Variants in ADGRG6 observed in about 807,000 individuals in gnomAD.
The protein encoded by ADGRG6 is G-protein coupled receptor 126.
Under a neutral mutation model 142.4 loss-of-function variants are expected in ADGRG6, and 84 were observed. The ratio of observed to expected loss-of-function variants is 0.59; its 90% confidence interval spans 0.49 to 0.71. The LOEUF (loss-of-function observed/expected upper bound fraction) is 0.71, where lower values mean the gene tolerates loss of function less well. Among genes scored for constraint, ADGRG6 ranks in the 30% least tolerant of loss-of-function variants. ADGRG6 has a pLI of 0.00. For missense variants in ADGRG6, 1,367 were observed against 1,466.6 expected (o/e 0.93, Z 1.11); for synonymous variants, 521 against 520.5 (o/e 1.00, Z -0.01).
At position 142,397,773 on chromosome 6, in the gene ADGRG6, T is replaced by C; in HGVS notation, c.1567+18T>C. 2 of 1,492,490 alleles carry C rather than the reference T, an allele frequency of 1.3e-6. No homozygotes were observed. Among genetic ancestry groups the C allele is most frequent in the Non-Finnish European group, 1.8e-6 (2 of 1,112,430 alleles). 92.5% of individuals were successfully genotyped at this position (1,492,490 alleles called of 1,614,324 possible). ...ACAACTGGGTAAGTGACTAATTTTTTTATAATATGCATTTTATACAACTGT... is the reference window on the plus strand; with the variant it reads ...ACAACTGGGTAAGTGACTAATTTTTCTATAATATGCATTTTATACAACTGT... On this transcript the variant is annotated intron_variant, in intron 10 of 24. Coordinates refer to ENST00000367609, the MANE Select transcript of ADGRG6 (RefSeq NM_198569.3).
At position 142,370,805 on chromosome 6, in the gene ADGRG6, G is replaced by T; in HGVS notation, c.1069+12G>T. The T allele has an allele frequency of 1.2e-6, 2 of 1,602,586 alleles. No homozygotes were observed. The highest frequency in any genetic ancestry group is 1.7e-6 in the Non-Finnish European group (2 of 1,173,264). On this transcript the variant is annotated intron_variant, in intron 4 of 24. Transcript: ENST00000367609. ...CAACCTAAGCTGTGGTGAGTTTGTA[G>T]CGTATTCCTTTTTTTTTTTTTTTTT...
At chr6:142,380,488 A>G (rs1343769081) in intron 4 of ADGRG6, among the ~76,000 whole-genome samples, 1 of 152,104 alleles carries the variant, frequency 6.6e-6, no homozygotes, top group Non-Finnish European at 1.5e-5. Context: ...CTATTTTCCA[A>G]AGCCTTACAG....
intron 21 of ADGRG6, 36 bp from the exon 22 acceptor site, chr6:142,419,781 TAATA>T (rs762714406): frequency 6.7e-7 from 1 of 1,488,324 alleles, no homozygotes; most frequent in African/African-American, 1.4e-5. Context: ...CAGGACATGG[TAATA>T]AATCTTTTTT....
chr6:142,375,264 A>G (rs1327078742), intron 4 of ADGRG6, among the ~76,000 whole-genome samples: 21 of 152,202 alleles, frequency 1.4e-4, no homozygotes, highest in Admixed American at 1.4e-3. Context: ...GTCATCTATA[A>G]GTTTTCAAAG....
intron 21 of ADGRG6, among the ~76,000 whole-genome samples, chr6:142,419,348 C>A (rs1776539679): frequency 6.6e-6 from 1 of 152,148 alleles, no homozygotes; most frequent in Admixed American, 6.6e-5. Flanking sequence ...AGGACCTTGC[C>A]AGTTGAGTCT....
At chr6:142,404,627 G>A (rs1775706173) in intron 14 of ADGRG6, among the ~76,000 whole-genome samples, 1 of 152,076 alleles carries the variant, frequency 6.6e-6, no homozygotes. Flanking sequence ...CTGGGCGACA[G>A]AGCAAGACTC....
chr6:142,443,461 C>T lies in ADGRG6; in HGVS notation c.3699C>T (p.Asn1233=), dbSNP rs1276640362. The change falls in exon 25 of 25, where the codon AAC becomes AAT. Residue 1233 remains asparagine, a synonymous_variant. Coordinates refer to ENST00000367609, the MANE Select transcript of ADGRG6 (RefSeq NM_198569.3). ...GTTATTGCAATGCTCATTCAGACAA[C>T]TTCTATAAAAATATTATCATGTCAG... ...VKGYCNAHSD[N]FYKNIIMSDT... The T allele has an allele frequency of 1.2e-6, 2 of 1,611,542 alleles. No homozygotes were observed. The highest frequency in any genetic ancestry group is 1.3e-5 in the African/African-American group (1 of 74,812).
intron 6 of ADGRG6, among the ~76,000 whole-genome samples, chr6:142,389,861 C>T (rs1421994862): frequency 1.3e-5 from 2 of 151,834 alleles, no homozygotes; most frequent in Non-Finnish European, 3.0e-5. Flanking sequence ...CAAGTTTTCA[C>T]ATCCCAAACT....
At chr6:142,398,257 C>G (rs932974687) in intron 10 of ADGRG6, among the ~76,000 whole-genome samples, 4 of 152,174 alleles carry the variant, frequency 2.6e-5, no homozygotes, top group African/African-American at 9.7e-5. Flanking sequence ...GAGACTGTCT[C>G]TACGAAAGAT....
At chr6:142,350,643 C>G (rs1045610901) in intron 2 of ADGRG6, among the ~76,000 whole-genome samples, 1 of 152,126 alleles carries the variant, frequency 6.6e-6, no homozygotes, top group African/African-American at 2.4e-5. Context: ...TAGAGTGAGA[C>G]AGAGATATTA....
intron 2 of ADGRG6, among the ~76,000 whole-genome samples, chr6:142,354,240 G>A (rs192425227): frequency 5.9e-5 from 9 of 152,246 alleles, no homozygotes; most frequent in Admixed American, 3.9e-4. Flanking sequence ...TTAGCTGGGC[G>A]TGGTGGCACG....
Position 142,433,277 on chromosome 6 carries a change from C to T in ADGRG6, c.3320-4157C>T, listed in dbSNP as rs1777301239. On this transcript the variant is annotated intron_variant, in intron 22 of 24. Coordinates refer to ENST00000367609, the MANE Select transcript of ADGRG6 (RefSeq NM_198569.3). ...CTTACCTCAGGCTTCCTTCAGTCCA[C>T]TCTACTCTGTAACTGCCACCCTCTC... 3.3e-5 allele frequency among the ~76,000 whole-genome samples: 5 copies of T among 152,206 alleles called. 1 individual carries two copies. The South Asian group carries it at 1.0e-3, about 32-fold the overall frequency.
intron 9 of ADGRG6, 124 bp from the exon 10 acceptor site, chr6:142,397,489 G>A: frequency 5.5e-6 from 4 of 725,396 alleles, no homozygotes; most frequent in Non-Finnish European, 9.3e-6. Context: ...TGAGCACCTT[G>A]GCTAATCTCT....
At position 142,381,760 on chromosome 6, in the gene ADGRG6, G is replaced by A. The variant is rs368307844; in HGVS notation, c.1070-191G>A. Among the ~76,000 whole-genome samples the A allele has an allele frequency of 5.9e-5, 9 of 152,180 alleles. No homozygotes were observed. In the South Asian group the frequency reaches 1.9e-3, roughly 32 times the overall value. ...TCACAAGTTGAGTTAAAGATTTTGAGGACAATATCAATACTTTGGTTTTAC... is the reference window on the plus strand; with the variant it reads ...TCACAAGTTGAGTTAAAGATTTTGAAGACAATATCAATACTTTGGTTTTAC... On this transcript the variant is annotated intron_variant, in intron 4 of 24. Transcript: ENST00000367609.
chr6:142,420,244 C>T (rs1287841579), intron 22 of ADGRG6, 140 bp downstream of exon 22: 5 of 690,050 alleles, frequency 7.2e-6, no homozygotes, highest in Non-Finnish European at 1.2e-5. Flanking sequence ...GCAGTGTGGT[C>T]ACTTGTTAAA....
intron 24 of ADGRG6, among the ~76,000 whole-genome samples, chr6:142,442,190 T>C (rs1018772995): frequency 1.3e-5 from 2 of 152,216 alleles, no homozygotes; most frequent in South Asian, 4.1e-4. Context: ...AGAGCCATGA[T>C]TTCTAAAAAT....
chr6:142,416,036 C>T lies in ADGRG6; in HGVS notation c.2910C>T (p.Tyr970=), dbSNP rs531892014. Residue 970 remains tyrosine, a synonymous_variant, in exon 20 of 25, where the codon TAC becomes TAT. Coordinates refer to ENST00000367609, the MANE Select transcript of ADGRG6 (RefSeq NM_198569.3). ...TATTTAACACTTACATTCGCCGATA[C>T]ATTCTAAAATTCTGCATCATTGGCT... ...VKVFNTYIRR[Y]ILKFCIIGWG... is the part of the protein sequence containing the mutation. 2.7e-5 allele frequency: 44 copies of T among 1,612,678 alleles called. No homozygotes were observed. The South Asian group carries it at 4.4e-4, about 16-fold the overall frequency.
chr6:142,432,624 A>ATGT (rs1450187929), intron 22 of ADGRG6, among the ~76,000 whole-genome samples: 1 of 152,178 alleles, frequency 6.6e-6, no homozygotes, highest in East Asian at 1.9e-4. Context: ...TGGTTACTTA[A>ATGT]AAATAGGCAA....
intron 4 of ADGRG6, among the ~76,000 whole-genome samples, chr6:142,375,564 A>G (rs1212362523): frequency 1.3e-5 from 2 of 152,160 alleles, no homozygotes; most frequent in Non-Finnish European, 2.9e-5. Context: ...TGATAAGTGT[A>G]CCCTGTTAAC....
Sources: gnomAD v4.1 joint callset for allele counts (sites outside exome capture counted in the v4.1 genomes callset) on GRCh38, gnomAD v4.1.1 for gene constraint, MANE v1.5 for transcripts, NCBI Gene and HGNC (gene_info 2026-07-23, HGNC 2026-07-21) for gene names.